Variants in CASK observed in about 807,000 individuals in gnomAD.
The protein encoded by CASK is peripheral plasma membrane protein CASK.
Under a neutral mutation model 82.9 loss-of-function variants are expected in CASK, and 4 were observed. The ratio of observed to expected loss-of-function variants is 0.05; its 90% CI spans 0.02 to 0.11. The LOEUF is 0.11. Ranked by LOEUF, CASK falls within the 10% of genes least tolerant of loss-of-function variation. The pLI is 1.00. For synonymous variants in CASK, 259 were observed against 253.5 expected (o/e 1.02, Z -0.20); for missense variants, 358 against 720.9 (o/e 0.50, Z 5.76).
chrX:41,577,236 C>T (rs894197440), intron 15 of CASK, among the ~76,000 whole-genome samples: 1 of 111,934 alleles, frequency 8.9e-6, no homozygotes, highest in African/African-American at 3.2e-5. Flanking sequence ...TCCCTCAGTT[C>T]TACTGTCAAT....
intron 1 of CASK, among the ~76,000 whole-genome samples, chrX:41,897,656 C>T (rs777651616): frequency 2.7e-4 from 30 of 110,718 alleles, no homozygotes; most frequent in Non-Finnish European, 5.3e-4. Context: ...ACTAATGGAG[C>T]CAACCTTCCC....
At chrX:41,703,780 A>C (rs887055575) in intron 5 of CASK, among the ~76,000 whole-genome samples, 3 of 112,381 alleles carry the variant, frequency 2.7e-5, no homozygotes, top group Non-Finnish European at 5.6e-5. Flanking sequence ...TTGCTTTCCA[A>C]AGTGATTTTA....
At chrX:41,833,111 C>T (rs916059224) in intron 2 of CASK, among the ~76,000 whole-genome samples, 6 of 111,785 alleles carry the variant, frequency 5.4e-5, no homozygotes, top group East Asian at 2.8e-4. Flanking sequence ...CTGTGCGTGA[C>T]GCCAAGAGTA....
At chrX:41,575,296 C>T (rs954455468) in intron 15 of CASK, among the ~76,000 whole-genome samples, 9 of 111,723 alleles carry the variant, frequency 8.1e-5, no homozygotes, top group Non-Finnish European at 1.5e-4. Flanking sequence ...CTGTAGGTCC[C>T]AAACATTTCT....
At chrX:41,804,423 T>C (rs187368389) in intron 2 of CASK, among the ~76,000 whole-genome samples, 42 of 111,730 alleles carry the variant, frequency 3.8e-4, no homozygotes, top group Non-Finnish European at 7.0e-4. Context: ...AGCTCTGAAA[T>C]TGGGGCTGTG....
intron 2 of CASK, among the ~76,000 whole-genome samples, chrX:41,830,402 T>A (rs1442572531): frequency 9.0e-6 from 1 of 111,532 alleles, no homozygotes; most frequent in Non-Finnish European, 1.9e-5. Flanking sequence ...ATCTTCCTCA[T>A]AGTTTGAGAA....
intron 5 of CASK, among the ~76,000 whole-genome samples, chrX:41,717,811 CAG>C (rs1377339710): frequency 8.9e-6 from 1 of 112,074 alleles, no homozygotes; most frequent in Non-Finnish European, 1.9e-5. Context: ...GGATCCAAGA[CAG>C]AGGGTGGACT....
At position 41,867,262 on chromosome X, in the gene CASK, A is replaced by C. The variant is rs962906325; in HGVS notation, c.60-14035T>G. On this transcript the variant is annotated intron_variant, in intron 1 of 26. Transcript: ENST00000378163. ...TATCCATCCTGAGTCTCTAACATAT[A>C]GAACTGTGCCTGACACTGTGCTAAT... 4.5e-5 allele frequency among the ~76,000 whole-genome samples: 5 copies of C among 112,147 alleles called. No homozygotes were observed. The Admixed American group carries it at 4.7e-4, about 11-fold the overall frequency.
intron 8 of CASK, among the ~76,000 whole-genome samples, chrX:41,648,536 G>A (rs935791113): frequency 3.6e-5 from 4 of 110,638 alleles, no homozygotes; most frequent in Non-Finnish European, 3.8e-5. Context: ...TTTGTGGCTC[G>A]AAAGGCATCA....
chrX:41,534,044 T>A (rs2064842332), intron 24 of CASK, among the ~76,000 whole-genome samples: 1 of 111,906 alleles, frequency 8.9e-6, no homozygotes, highest in Non-Finnish European at 1.9e-5. Context: ...GCTAAGTGCT[T>A]CATACACATG....
At chrX:41,600,890 C>T (rs1416754932) in intron 12 of CASK, among the ~76,000 whole-genome samples, 1 of 111,975 alleles carries the variant, frequency 8.9e-6, no homozygotes, top group Non-Finnish European at 1.9e-5. Flanking sequence ...ATGTACTATA[C>T]ACACACGATG....
At position 41,531,117 on chromosome X, in the gene CASK, C is replaced by T. The variant is rs751235198; in HGVS notation, c.2410G>A (p.Glu804Lys). The change falls in exon 25 of 27, where the codon GAG becomes AAG. Residue 804 changes from glutamate (E) to lysine (K), a missense_variant. Coordinates refer to ENST00000378163, the MANE Select transcript of CASK (RefSeq NM_001367721.1). ...TCGTGGCTGCCGTACTCCAAGTACT[C>T]GTTATTAGAGATGTCTTGCATCATT... ...DQMMQDISNNEYLEYGSHEDA... is the reference protein window; with the variant it reads ...DQMMQDISNNKYLEYGSHEDA... 13 of 1,205,278 alleles carry T rather than the reference C, an allele frequency of 1.1e-5. No homozygotes were observed. The highest frequency in any genetic ancestry group is 3.0e-5 in the East Asian group (1 of 33,789).
At chrX:41,786,883 T>C (rs2069618400) in intron 3 of CASK, 2 of 276,383 alleles carry the variant, frequency 7.2e-6, no homozygotes, top group Non-Finnish European at 1.3e-5. Context: ...CTAAGACTTC[T>C]ACTGGTCAGA....
chrX:41,877,606 C>T (rs2071850764), intron 1 of CASK, among the ~76,000 whole-genome samples: 1 of 111,635 alleles, frequency 9.0e-6, no homozygotes, highest in Non-Finnish European at 1.9e-5. Flanking sequence ...TTGAAATACT[C>T]ATTACCCTGT....
chrX:41,598,512 C>T (rs1280773578), intron 12 of CASK, among the ~76,000 whole-genome samples: 1 of 110,370 alleles, frequency 9.1e-6, no homozygotes. Context: ...CCACCACTCC[C>T]GGCTAATTTT....
rs1282380391 is a variant in CASK, at chrX:41,697,323, A to C, written c.430-25793T>G. 3.2e-5 allele frequency: 4 copies of C among 123,134 alleles called. No homozygotes were observed. In the East Asian group the frequency reaches 1.1e-3, roughly 34 times the overall value. 10.1% of individuals were successfully genotyped at this position (123,134 alleles called of 1,213,427 possible). A position where few individuals can be genotyped will look rare whatever the true frequency, so the allele number is the denominator to read the frequency against. ...CTTAGATAAAAAGGGAAAGAATTTA[A>C]ATACTGTATAGTAAAAATTAACAGA... On this transcript the variant is annotated intron_variant, in intron 5 of 26. Coordinates refer to ENST00000378163, the MANE Select transcript of CASK (RefSeq NM_001367721.1).
intron 21 of CASK, among the ~76,000 whole-genome samples, chrX:41,550,745 A>G (rs2065085197): frequency 9.2e-6 from 1 of 108,680 alleles, no homozygotes; most frequent in African/African-American, 3.3e-5. Context: ...AAAAAAAAAA[A>G]AAGAAAAAGA....
At chrX:41,741,181 C>T (rs2068592362) in intron 4 of CASK, among the ~76,000 whole-genome samples, 1 of 111,723 alleles carries the variant, frequency 9.0e-6, no homozygotes, top group Non-Finnish European at 1.9e-5. Flanking sequence ...CCACGCCTGG[C>T]CATAAGTTTT....
intron 21 of CASK, among the ~76,000 whole-genome samples, chrX:41,548,672 A>G (rs960770379): frequency 9.8e-5 from 11 of 111,884 alleles, no homozygotes; most frequent in African/African-American, 3.6e-4. Flanking sequence ...GTGCAAGTCA[A>G]TATGTGCTAT....
Sources: allele counts gnomAD v4.1 joint callset (sites outside exome capture counted in the v4.1 genomes callset), GRCh38; gene constraint gnomAD v4.1.1; transcripts MANE v1.5; gene names NCBI Gene and HGNC (gene_info 2026-07-23, HGNC 2026-07-21).